The following MROH7 variants were observed in gnomAD, a reference collection of about 807,000 sequenced individuals.
MROH7 encodes the protein maestro heat like repeat family member 7.
Under a neutral mutation model 129.2 loss-of-function variants are expected in MROH7, and 113 were observed. That is an observed-to-expected ratio of 0.87 (90% CI 0.75 to 1.02). The LOEUF is 1.02. Ranked by LOEUF, MROH7 falls within the 50% of genes least tolerant of loss-of-function variation. The pLI is 0.00. For missense variants in MROH7, 1,601 were observed against 1,671.3 expected (o/e 0.96, Z 0.73); for synonymous variants, 655 against 667.9 (o/e 0.98, Z 0.30).
chr1:54,653,187 A>G lies in MROH7; in HGVS notation c.261A>G (p.Arg87=). ...SENTPRPDDS[R]AIAPASLQIT... ...ACACCCCCAGACCTGATGACAGCAG[A>G]GCTATCGCTCCAGCCTCCCTCCAGA... Residue 87 remains arginine, a synonymous_variant, in exon 3 of 24, where the codon AGA becomes AGG. Transcript: ENST00000421030. 1 of 1,614,180 alleles carries G rather than the reference A, an allele frequency of 6.2e-7. No homozygotes were observed. The highest frequency in any genetic ancestry group is 8.5e-7 in the Non-Finnish European group (1 of 1,180,044).
At chr1:54,650,784 C>T (rs866821716) in intron 1 of MROH7, among the ~76,000 whole-genome samples, 35 of 150,964 alleles carry the variant, frequency 2.3e-4, no homozygotes, top group African/African-American at 7.6e-4. Flanking sequence ...AATGCAGTGG[C>T]GTGATCACAG....
rs764141834 is a variant in MROH7, at chr1:54,708,880, G to T, written c.3668-134G>T. 5.3e-6 allele frequency: 4 copies of T among 757,028 alleles called. No individual in the cohort carries two copies. The Admixed American group carries it at 7.9e-5, about 15-fold the overall frequency. The allele number at this position is 757,028 out of a possible 1,614,324, so 46.9% of individuals were successfully genotyped here. A position where few individuals can be genotyped will look rare whatever the true frequency, so the allele number is the denominator to read the frequency against. On this transcript the variant is annotated intron_variant, in intron 22 of 23. Coordinates refer to ENST00000421030, the MANE Select transcript of MROH7 (RefSeq NM_001039464.4). ...GGGGAATCTGTCCCAGGGTCCAAAT[G>T]AAGTTTTGTGTTCTCATGTGTGGGG...
intron 3 of MROH7, among the ~76,000 whole-genome samples, chr1:54,654,672 T>C (rs1315804557): frequency 7.7e-6 from 1 of 129,538 alleles, no homozygotes; most frequent in Non-Finnish European, 1.6e-5. Flanking sequence ...AAACTCCGTC[T>C]CAAAAAAGAA....
chr1:54,668,192 G>A (rs1284723199), intron 4 of MROH7, among the ~76,000 whole-genome samples: 1 of 152,226 alleles, frequency 6.6e-6, no homozygotes, highest in Non-Finnish European at 1.5e-5. Context: ...GACTAGTCCA[G>A]GAACTGGCCC....
At chr1:54,669,781 C>T (rs1338269760) in intron 5 of MROH7, among the ~76,000 whole-genome samples, 1 of 152,004 alleles carries the variant, frequency 6.6e-6, no homozygotes, top group Non-Finnish European at 1.5e-5. Flanking sequence ...AGGTGGATCC[C>T]TTGAGGTCAG....
At chr1:54,656,420 G>A (rs1409726922) in intron 3 of MROH7, among the ~76,000 whole-genome samples, 4 of 142,646 alleles carry the variant, frequency 2.8e-5, no homozygotes, top group African/African-American at 1.1e-4. Flanking sequence ...TGAGGCAGGA[G>A]AATCACTTGA....
chr1:54,659,351 C>T (rs928364646), intron 3 of MROH7, among the ~76,000 whole-genome samples: 10 of 152,138 alleles, frequency 6.6e-5, no homozygotes, highest in African/African-American at 2.4e-4. Flanking sequence ...GGCACAATCT[C>T]GGCTCACTGC....
chr1:54,678,968 C>G (rs933704477), intron 11 of MROH7, 114 bp downstream of exon 11: 2 of 849,216 alleles, frequency 2.4e-6, no homozygotes, highest in African/African-American at 3.4e-5. Flanking sequence ...GGACGCCTTC[C>G]CAGCCACCCA....
chr1:54,701,368 GT>G, intron 19 of MROH7, 46 bp downstream of exon 19: 1 of 1,478,826 alleles, frequency 6.8e-7, no homozygotes, highest in African/African-American at 1.4e-5. Flanking sequence ...CGAGAAGGGG[GT>G]CTTTTACTAC....
At chr1:54,654,612 A>G (rs1000074963) in intron 3 of MROH7, among the ~76,000 whole-genome samples, 8 of 152,142 alleles carry the variant, frequency 5.3e-5, no homozygotes, top group African/African-American at 1.7e-4. Flanking sequence ...GGCAGAGGTT[A>G]CAGTGAGCTG....
chr1:54,662,807 T>G (rs950667401), intron 3 of MROH7, among the ~76,000 whole-genome samples: 4 of 152,218 alleles, frequency 2.6e-5, no homozygotes, highest in Admixed American at 2.6e-4. Flanking sequence ...ACGTTTTTTC[T>G]AGTCTGATCT....
At chr1:54,661,740 C>T (rs566734938) in intron 3 of MROH7, among the ~76,000 whole-genome samples, 20 of 151,900 alleles carry the variant, frequency 1.3e-4, no homozygotes, top group East Asian at 2.0e-4. Context: ...GGATTACAGG[C>T]GCCCGCCACC....
chr1:54,662,270 T>C lies in MROH7; in HGVS notation c.1232-2897T>C, dbSNP rs764055142. On this transcript the variant is annotated intron_variant, in intron 3 of 23. Coordinates refer to ENST00000421030, the MANE Select transcript of MROH7 (RefSeq NM_001039464.4). ...GAAAAGTTGAGCTGGGTGTGGTGGC[T>C]CATGCCTGTAATCCCAGCACTTTTG... Among the ~76,000 whole-genome samples the C allele has an allele frequency of 1.1e-3, 160 of 151,148 alleles. 5 individuals are homozygous for C. The highest frequency in any genetic ancestry group is 4.1e-4 in the Non-Finnish European group (28 of 67,874).
chr1:54,653,258 A>G lies in MROH7; in HGVS notation c.332A>G (p.Asp111Gly), dbSNP rs1644586829. 6.2e-7 allele frequency: 1 copy of G among 1,614,022 alleles called. No homozygotes were observed. The highest frequency in any genetic ancestry group is 1.3e-5 in the African/African-American group (1 of 74,900). The change falls in exon 3 of 24, where the codon GAT becomes GGT. Residue 111 changes from aspartate (D) to glycine (G), a missense_variant. Coordinates refer to ENST00000421030, the MANE Select transcript of MROH7 (RefSeq NM_001039464.4). ...SGEALDLDSK[D>G]VSRPDSQGRL... ...GAAGCCCTGGACCTGGATTCCAAGG[A>G]TGTCTCAAGGCCTGACTCACAGGGG...
chr1:54,677,226 C>G (rs1252377606), intron 10 of MROH7, among the ~76,000 whole-genome samples: 1 of 152,136 alleles, frequency 6.6e-6, no homozygotes, highest in Admixed American at 6.5e-5. Flanking sequence ...AGGTGACACC[C>G]TGTCTCTACT....
chr1:54,661,969 A>G (rs946407823), intron 3 of MROH7, among the ~76,000 whole-genome samples: 3 of 151,334 alleles, frequency 2.0e-5, no homozygotes, highest in Admixed American at 6.6e-5. Flanking sequence ...TGTAATACAT[A>G]GCACTTTGGG....
chr1:54,701,135 C>A lies in MROH7; in HGVS notation c.3106-8C>A. Reference sequence around the variant, plus strand: ...GGAGCCCTCATCCCAAATGCTCCTGCCCCACAGACCGCCAAGGTGAAGGCC... The same window carrying A: ...GGAGCCCTCATCCCAAATGCTCCTGACCCACAGACCGCCAAGGTGAAGGCC... On this transcript the variant is annotated splice_region_variant and splice_polypyrimidine_tract_variant and intron_variant, in intron 18 of 23. Transcript: ENST00000421030. The A allele has an allele frequency of 6.2e-7, 1 of 1,612,960 alleles. No homozygotes were observed.
At chr1:54,682,565 A>G (rs1455191673) in intron 13 of MROH7, 91 bp from the exon 14 acceptor site, 1 of 1,340,506 alleles carries the variant, frequency 7.5e-7, no homozygotes, top group Non-Finnish European at 1.0e-6. Context: ...TTTCATTGGC[A>G]TCTTACCTTC....
At chr1:54,644,039 C>T (rs992558681) in intron 1 of MROH7, among the ~76,000 whole-genome samples, 2 of 151,934 alleles carry the variant, frequency 1.3e-5, no homozygotes, top group African/African-American at 4.8e-5. Context: ...GCATGGATTC[C>T]TTTAGATTTA....
Sources: gnomAD v4.1 joint callset for allele counts (sites outside exome capture counted in the v4.1 genomes callset) on GRCh38, gnomAD v4.1.1 for gene constraint, MANE v1.5 for transcripts, NCBI Gene and HGNC (gene_info 2026-07-23, HGNC 2026-07-21) for gene names.